FRMD4A: variants seen among roughly 807,000 people sequenced by gnomAD.
FRMD4A encodes FERM domain containing 4A.
A neutral mutation model predicts 129.1 loss-of-function variants in FRMD4A; 29 were observed. That is an observed-to-expected ratio of 0.22 (90% confidence interval 0.17 to 0.31). The LOEUF (loss-of-function observed/expected upper bound fraction) is 0.31. FRMD4A is among the 10% of genes least tolerant of loss of function. The pLI is 1.00. For synonymous variants in FRMD4A, 634 were observed against 571.6 expected (o/e 1.11, Z -1.56); for missense variants, 1,272 against 1,375.8 (o/e 0.92, Z 1.19).
intron 2 of FRMD4A, among the ~76,000 whole-genome samples, chr10:13,937,606 T>C (rs1565074469): frequency 1.3e-5 from 2 of 152,182 alleles, no homozygotes; most frequent in African/African-American, 2.4e-5. Flanking sequence ...GTGATGTTCA[T>C]TATCCTTCGT....
intron 2 of FRMD4A, among the ~76,000 whole-genome samples, chr10:13,958,797 C>T (rs994598976): frequency 6.6e-6 from 1 of 151,624 alleles, no homozygotes; most frequent in Admixed American, 6.6e-5. Context: ...GTTGGTCAGG[C>T]TGGTCTCGAA....
chr10:13,908,704 T>C (rs1199948603), intron 2 of FRMD4A, among the ~76,000 whole-genome samples: 1 of 152,220 alleles, frequency 6.6e-6, no homozygotes, highest in African/African-American at 2.4e-5. Flanking sequence ...ATTCATTCAT[T>C]TGATGACCTT....
chr10:14,197,221 A>G (rs549375033), intron 2 of FRMD4A, among the ~76,000 whole-genome samples: 30 of 152,248 alleles, frequency 2.0e-4, no homozygotes, highest in Non-Finnish European at 3.2e-4. Flanking sequence ...ATACAATTTT[A>G]TACAGGCAAA....
At chr10:13,667,415 C>T (rs2083146612) in intron 17 of FRMD4A, 1 of 127,946 alleles carries the variant, frequency 7.8e-6, no homozygotes, top group Non-Finnish European at 1.6e-5. Context: ...CTCTATTCTT[C>T]CTTTAGCCAA....
rs10596694 is a variant in FRMD4A at position 14,036,042 on chromosome 10, CAA to C, written c.46-177132_46-177131del. 9.6e-3 allele frequency among the ~76,000 whole-genome samples: 1,291 copies of C among 133,950 alleles called. 20 individuals carry two copies. The highest frequency in any genetic ancestry group is 0.03 in the African/African-American group (1,062 of 35,062). The allele number at this position is 133,950 out of a possible 152,430, so 87.9% of individuals were successfully genotyped here. A position where few individuals can be genotyped will look rare whatever the true frequency, so the allele number is the denominator to read the frequency against. On this transcript the variant is annotated intron_variant, in intron 2 of 24. Transcript: ENST00000357447. ...GGGCAACAAGAGTGAAACTCCACCT[CAA>C]AAAAAAAAAAAAAAAAGTCTATAAA...
intron 2 of FRMD4A, among the ~76,000 whole-genome samples, chr10:14,040,257 G>A (rs1480043998): frequency 4.6e-5 from 7 of 152,016 alleles, no homozygotes; most frequent in Non-Finnish European, 8.8e-5. Context: ...TAATTTTTGT[G>A]AACAGTCACT....
intron 2 of FRMD4A, among the ~76,000 whole-genome samples, chr10:14,286,198 A>G (rs2132068030): frequency 6.6e-6 from 1 of 152,336 alleles, no homozygotes. Context: ...GAGAAAAGGA[A>G]TTGCAAATGC....
In FRMD4A at chr10:13,654,427, G is replaced by A. The variant is rs368934904; in HGVS notation, c.3039C>T (p.Thr1013=). Residue 1013 remains threonine (T), a synonymous_variant, in exon 23 of 25, where the codon ACC becomes ACT. Coordinates refer to ENST00000357447, the MANE Select transcript of FRMD4A (RefSeq NM_018027.5). ...GAAGGAGAACTCACCCAGTCTGCCA[G>A]GTTAGGATGTGGTGGGGGCTGCTTG... ...TPPSSPHHIL[T]WQTGEATENS... 1 of 1,605,474 alleles carries A rather than the reference G, an allele frequency of 6.2e-7. No homozygotes were observed. The highest frequency in any genetic ancestry group is 8.5e-7 in the Non-Finnish European group (1 of 1,172,200).
intron 2 of FRMD4A, among the ~76,000 whole-genome samples, chr10:14,071,152 T>G (rs1316447503): frequency 2.0e-5 from 3 of 152,236 alleles, no homozygotes; most frequent in Non-Finnish European, 4.4e-5. Context: ...GGCTGTTCCA[T>G]GCATGAAGAC....
chr10:14,185,748 A>G (rs930209101), intron 2 of FRMD4A, among the ~76,000 whole-genome samples: 2 of 152,206 alleles, frequency 1.3e-5, no homozygotes, highest in African/African-American at 4.8e-5. Context: ...ACAGCAGTAG[A>G]CCAGGCTAGT....
At chr10:13,984,641 G>C (rs1334470681) in intron 2 of FRMD4A, among the ~76,000 whole-genome samples, 1 of 152,042 alleles carries the variant, frequency 6.6e-6, no homozygotes, top group East Asian at 1.9e-4. Context: ...TTGTTTTTTT[G>C]TGACTGGCTT....
At chr10:14,055,462 A>AACACACACACAC (rs71388155) in intron 2 of FRMD4A, among the ~76,000 whole-genome samples, 15 of 77,510 alleles carry the variant, frequency 1.9e-4, no homozygotes, top group African/African-American at 7.9e-4. Flanking sequence ...CACACACACA[A>AACACACACACAC]ACACACACAC....
intron 2 of FRMD4A, among the ~76,000 whole-genome samples, chr10:14,170,093 T>C (rs965436305): frequency 2.6e-5 from 4 of 152,330 alleles, no homozygotes; most frequent in East Asian, 3.9e-4. Context: ...GAGTTTCACA[T>C]ACTCTATACT....
intron 3 of FRMD4A, among the ~76,000 whole-genome samples, chr10:13,820,889 G>A (rs1434283435): frequency 6.6e-6 from 1 of 152,246 alleles, no homozygotes; most frequent in Admixed American, 6.5e-5. Context: ...GGGCTGTCTG[G>A]GAGTGACTGT....
At chr10:13,802,273 G>A (rs978800658) in intron 4 of FRMD4A, among the ~76,000 whole-genome samples, 1 of 152,180 alleles carries the variant, frequency 6.6e-6, no homozygotes, top group Non-Finnish European at 1.5e-5. Flanking sequence ...ATGGCCTCAG[G>A]GAGAGCTTTG....
chr10:14,317,715 G>T (rs998718338), intron 2 of FRMD4A, among the ~76,000 whole-genome samples: 4 of 27,100 alleles, frequency 1.5e-4, no homozygotes, highest in African/African-American at 9.3e-4. Context: ...GAGGAGGGGA[G>T]AGGGAAGGAG....
At chr10:13,996,673 G>A (rs767440250) in intron 2 of FRMD4A, among the ~76,000 whole-genome samples, 11 of 152,148 alleles carry the variant, frequency 7.2e-5, no homozygotes, top group Non-Finnish European at 1.5e-4. Flanking sequence ...GGATCTACAC[G>A]GAAGACTTCC....
intron 2 of FRMD4A, among the ~76,000 whole-genome samples, chr10:13,910,296 A>G (rs1442453287): frequency 6.6e-6 from 1 of 152,220 alleles, no homozygotes; most frequent in Non-Finnish European, 1.5e-5. Flanking sequence ...AACCTGCTGG[A>G]AGATGAGAGC....
rs1357843684 is a variant in FRMD4A, at chr10:13,755,279, C to G, written c.464+6368G>C. ...CCTCTGGCCTGGCAAAAAAGACTTACAAACCTGGAATTTTCGGATACCAGT... is the reference window on the plus strand; with the variant it reads ...CCTCTGGCCTGGCAAAAAAGACTTAGAAACCTGGAATTTTCGGATACCAGT... On this transcript the variant is annotated intron_variant, in intron 8 of 24. Transcript: ENST00000357447. 2.0e-5 allele frequency among the ~76,000 whole-genome samples: 3 copies of G among 152,298 alleles called. No homozygotes were observed. In the East Asian group the frequency reaches 5.8e-4, roughly 29 times the overall value.
Sources: gnomAD v4.1 joint callset for allele counts (sites outside exome capture counted in the v4.1 genomes callset) on GRCh38, gnomAD v4.1.1 for gene constraint, MANE v1.5 for transcripts, NCBI Gene and HGNC (gene_info 2026-07-23, HGNC 2026-07-21) for gene names.